Variants in CAPN7 observed in about 807,000 individuals in gnomAD.
CAPN7 encodes calpain-7.
Under a neutral mutation model 115.2 loss-of-function variants are expected in CAPN7, and 72 were observed. The ratio of observed to expected loss-of-function variants is 0.63; its 90% confidence interval spans 0.52 to 0.76. The LOEUF (loss-of-function observed/expected upper bound fraction) is 0.76, where lower values mean the gene tolerates loss of function less well. Among genes scored for constraint, CAPN7 ranks in the 30% least tolerant of loss-of-function variants. The probability of loss-of-function intolerance (pLI) is 0.00; values close to 1 mark genes in which losing one functional copy is unlikely to be tolerated. For missense variants in CAPN7, 905 were observed against 971.5 expected, an observed-to-expected ratio of 0.93 and a Z score of 0.91; for synonymous variants, 344 against 322.3, an observed-to-expected ratio of 1.07 and a Z score of -0.72.
chr3:15,238,867 T>G (rs1362584298), intron 12 of CAPN7, among the ~76,000 whole-genome samples: 3 of 150,106 alleles, frequency 2.0e-5, no homozygotes, highest in Non-Finnish European at 4.4e-5. Context: ...TTTTTTTTTT[T>G]TTTTTTGTTC....
intron 1 of CAPN7, chr3:15,210,941 A>G (rs1310198443): frequency 1.3e-5 from 15 of 1,175,418 alleles, no homozygotes; most frequent in Non-Finnish European, 1.5e-5. Context: ...ACTTGTAGAA[A>G]TCTGTCTTTG....
At chr3:15,214,290 T>C (rs1338079129) in intron 2 of CAPN7, among the ~76,000 whole-genome samples, 1 of 152,240 alleles carries the variant, frequency 6.6e-6, no homozygotes, top group Non-Finnish European at 1.5e-5. Flanking sequence ...TCTTATTTAT[T>C]ATTTTAAGCA....
intron 17 of CAPN7, chr3:15,245,937 C>T: frequency 3.6e-6 from 1 of 279,290 alleles, no homozygotes; most frequent in Middle Eastern, 1.1e-3. Flanking sequence ...ACTAATAATA[C>T]ATTTCTTTTT....
At chr3:15,225,612 C>T (rs527761678) in intron 6 of CAPN7, among the ~76,000 whole-genome samples, 2 of 152,288 alleles carry the variant, frequency 1.3e-5, no homozygotes, top group Admixed American at 6.5e-5. Context: ...AGGCATAGCA[C>T]TTGTCACAGT....
intron 7 of CAPN7, among the ~76,000 whole-genome samples, chr3:15,228,186 T>C (rs1052866075): frequency 6.6e-6 from 1 of 152,198 alleles, no homozygotes; most frequent in Non-Finnish European, 1.5e-5. Context: ...GCCCTGTTTA[T>C]CATTATGTAC....
At chr3:15,221,827 G>T (rs1694009118) in intron 5 of CAPN7, among the ~76,000 whole-genome samples, 1 of 151,864 alleles carries the variant, frequency 6.6e-6, no homozygotes, top group Admixed American at 6.6e-5. Flanking sequence ...AAAAATAGCT[G>T]GGTATGATGA....
chr3:15,213,941 G>A (rs1036418654), intron 2 of CAPN7, among the ~76,000 whole-genome samples: 6 of 150,054 alleles, frequency 4.0e-5, no homozygotes, highest in East Asian at 2.0e-4. Flanking sequence ...GTGCAGTGGC[G>A]CGATCTCAGC....
chr3:15,216,532 A>G (rs1693610447), intron 2 of CAPN7, among the ~76,000 whole-genome samples: 1 of 152,204 alleles, frequency 6.6e-6, no homozygotes, highest in Non-Finnish European at 1.5e-5. Context: ...CATGTTTCTT[A>G]TAGATACGTA....
chr3:15,207,015 A>G (rs2044667748), intron 1 of CAPN7, among the ~76,000 whole-genome samples: 2 of 152,262 alleles, frequency 1.3e-5, no homozygotes, highest in Admixed American at 1.3e-4. Flanking sequence ...ATCTCCTGTC[A>G]TAGCATTTGA....
intron 1 of CAPN7, among the ~76,000 whole-genome samples, chr3:15,211,642 C>T (rs2044957640): frequency 6.6e-6 from 1 of 151,950 alleles, no homozygotes; most frequent in African/African-American, 2.4e-5. Context: ...TGCCTGTAAT[C>T]CCAGCACTTT....
intron 19 of CAPN7, among the ~76,000 whole-genome samples, chr3:15,248,883 C>G (rs1454522653): frequency 6.6e-6 from 1 of 151,756 alleles, no homozygotes; most frequent in Non-Finnish European, 1.5e-5. Context: ...ATAGTCCCAG[C>G]CACTTGGGAG....
chr3:15,206,467 T>C lies in CAPN7; in HGVS notation c.-29T>C. ...GAGCCGTCCTGCGTCAGGGCCTCCTTCCCTGCCCCGGCGCGGGGCCACTGC... is the reference window on the plus strand; with the variant it reads ...GAGCCGTCCTGCGTCAGGGCCTCCTCCCCTGCCCCGGCGCGGGGCCACTGC... On this transcript the variant is annotated 5_prime_UTR_variant, in exon 1 of 21. Coordinates refer to ENST00000253693, the MANE Select transcript of CAPN7 (RefSeq NM_014296.3). The C allele has an allele frequency of 6.6e-7, 1 of 1,518,066 alleles. No homozygotes were observed. The highest frequency in any genetic ancestry group is 1.2e-5 in the South Asian group (1 of 82,814). 94.0% of individuals were successfully genotyped at this position (1,518,066 alleles called of 1,614,324 possible).
intron 1 of CAPN7, chr3:15,210,748 AG>A: frequency 7.8e-7 from 1 of 1,279,062 alleles, no homozygotes; most frequent in Non-Finnish European, 1.0e-6. Context: ...TTGTAGAGAC[AG>A]GGTTTCACCA....
chr3:15,208,220 T>G (rs2044740278), intron 1 of CAPN7, among the ~76,000 whole-genome samples: 2 of 152,222 alleles, frequency 1.3e-5, no homozygotes, highest in South Asian at 4.1e-4. Context: ...CTTTTTTTTT[T>G]TTTTTACAAA....
intron 6 of CAPN7, among the ~76,000 whole-genome samples, chr3:15,224,692 C>A (rs895812622): frequency 2.6e-5 from 4 of 151,714 alleles, no homozygotes; most frequent in African/African-American, 9.7e-5. Context: ...TAACCTCTTT[C>A]AGTACTTTTT....
intron 14 of CAPN7, 118 bp from the exon 15 acceptor site, chr3:15,241,334 TA>T: frequency 1.0e-6 from 1 of 983,056 alleles, no homozygotes; most frequent in Non-Finnish European, 1.5e-6. Context: ...CAAAAAAATT[TA>T]AAAACAGTAA....
rs572097996 is a variant in CAPN7 at position 15,245,150 on chromosome 3, G to A, written c.1865-376G>A. On this transcript the variant is annotated intron_variant, in intron 16 of 20. Transcript: ENST00000253693. ...AGTTAATTTAAACCTGAGTGGTGGGGAATATATATTTTTATATACTTCTTT... is the reference window on the plus strand; with the variant it reads ...AGTTAATTTAAACCTGAGTGGTGGGAAATATATATTTTTATATACTTCTTT... Among the ~76,000 whole-genome samples, 6 of 150,800 alleles carry A rather than the reference G, an allele frequency of 4.0e-5. No homozygotes were observed. In the South Asian group the frequency reaches 1.3e-3, roughly 32 times the overall value.
At chr3:15,241,049 AC>A (rs1164961442) in intron 14 of CAPN7, among the ~76,000 whole-genome samples, 196 bp downstream of exon 14, 1 of 152,176 alleles carries the variant, frequency 6.6e-6, no homozygotes, top group Admixed American at 6.5e-5. Context: ...TACAAAAAAT[AC>A]AAAAGTTAGC....
Position 15,218,499 on chromosome 3 carries a change from G to T in CAPN7, c.396G>T (p.Leu132=). The T allele has an allele frequency of 6.2e-7, 1 of 1,613,224 alleles. No individual in the cohort carries two copies. The highest frequency in any genetic ancestry group is 2.2e-5 in the East Asian group (1 of 44,854). The change falls in exon 4 of 21, where the codon CTG becomes CTT. Residue 132 remains leucine, a synonymous_variant. Transcript: ENST00000253693. ...CTTATGAAACTGCTGATAAAGTCCT[G>T]CAAAATAAACTGAAACAGTTGGCTC... ...KTSYETADKV[L]QNKLKQLARQ...
Sources: gnomAD v4.1 joint callset for allele counts (sites outside exome capture counted in the v4.1 genomes callset) on GRCh38, gnomAD v4.1.1 for gene constraint, MANE v1.5 for transcripts, NCBI Gene and HGNC (gene_info 2026-07-23, HGNC 2026-07-21) for gene names.